The following MAP4K3 variants were observed in gnomAD, a reference collection of about 807,000 sequenced individuals.
The protein encoded by MAP4K3 is mitogen-activated protein kinase kinase kinase kinase 3.
MAP4K3 carries 94 observed loss-of-function variants against 143.5 expected under a neutral mutation model. The ratio of observed to expected loss-of-function variants is 0.65; its 90% CI spans 0.55 to 0.78. MAP4K3 has a LOEUF of 0.78. Among genes scored for constraint, MAP4K3 ranks in the 30% least tolerant of loss-of-function variants. MAP4K3 has a pLI of 0.00. For missense variants in MAP4K3, 1,077 were observed against 1,068.1 expected, an observed-to-expected ratio of 1.01 and a Z score of -0.12; for synonymous variants, 416 against 347.2, an observed-to-expected ratio of 1.20 and a Z score of -2.20.
intron 1 of MAP4K3, among the ~76,000 whole-genome samples, chr2:39,404,130 C>T (rs552311248): frequency 6.6e-6 from 1 of 152,148 alleles, no homozygotes; most frequent in East Asian, 1.9e-4. Flanking sequence ...GTGCTGGCTT[C>T]AAGTGAAAAC....
chr2:39,289,708 G>A (rs1359724315), intron 19 of MAP4K3, among the ~76,000 whole-genome samples: 1 of 152,202 alleles, frequency 6.6e-6, no homozygotes, highest in Non-Finnish European at 1.5e-5. Flanking sequence ...AGAAATGTGA[G>A]TTTTCTAACC....
intron 1 of MAP4K3, among the ~76,000 whole-genome samples, chr2:39,380,277 T>C (rs1257615681): frequency 6.6e-6 from 1 of 151,970 alleles, no homozygotes; most frequent in African/African-American, 2.4e-5. Context: ...TTCTAAGCCT[T>C]TCCTTAGTAA....
intron 1 of MAP4K3, among the ~76,000 whole-genome samples, chr2:39,436,316 T>C (rs1034736816): frequency 6.8e-6 from 1 of 147,516 alleles, no homozygotes; most frequent in African/African-American, 2.5e-5. Flanking sequence ...AGTTGCTCTT[T>C]CCAAAAAAAA....
chr2:39,250,126 AT>A lies in MAP4K3; in HGVS notation c.*491del, dbSNP rs1680092568. The A allele has an allele frequency of 6.5e-6, 1 of 152,694 alleles. No homozygotes were observed. The highest frequency in any genetic ancestry group is 1.5e-5 in the Non-Finnish European group (1 of 68,050). 9.5% of individuals were successfully genotyped at this position (152,694 alleles called of 1,614,324 possible). ...CAATTTTAAAAGTTACAAGATTTAT[AT>A]TCATATTACTAAATTACATATAATA... On this transcript the variant is annotated 3_prime_UTR_variant, in exon 34 of 34. Coordinates refer to ENST00000263881, the MANE Select transcript of MAP4K3 (RefSeq NM_003618.4).
intron 15 of MAP4K3, among the ~76,000 whole-genome samples, chr2:39,302,001 C>T (rs1041191352): frequency 1.3e-5 from 2 of 149,794 alleles, no homozygotes; most frequent in African/African-American, 2.5e-5. Flanking sequence ...TCCAGCTTGG[C>T]GACAGAGAGA....
chr2:39,280,996 A>C (rs1236755287), intron 22 of MAP4K3, among the ~76,000 whole-genome samples: 1 of 152,208 alleles, frequency 6.6e-6, no homozygotes, highest in Non-Finnish European at 1.5e-5. Flanking sequence ...TCATAATGAA[A>C]TATATCACCC....
chr2:39,307,348 T>C (rs1293474421), intron 15 of MAP4K3, among the ~76,000 whole-genome samples: 1 of 152,148 alleles, frequency 6.6e-6, no homozygotes, highest in Non-Finnish European at 1.5e-5. Flanking sequence ...TATTTATAAC[T>C]TCAGGAATGC....
intron 1 of MAP4K3, among the ~76,000 whole-genome samples, chr2:39,425,424 T>G (rs762352206): frequency 1.3e-5 from 2 of 152,170 alleles, no homozygotes; most frequent in African/African-American, 2.4e-5. Context: ...AAAATCCACA[T>G]GTTGAAGACC....
chr2:39,314,873 C>T (rs1683062651), intron 13 of MAP4K3, among the ~76,000 whole-genome samples: 2 of 152,162 alleles, frequency 1.3e-5, no homozygotes. Context: ...CCAGGTTACT[C>T]AGATGCTAGG....
chr2:39,385,607 C>G (rs1232476340), intron 1 of MAP4K3, among the ~76,000 whole-genome samples: 1 of 121,324 alleles, frequency 8.2e-6, no homozygotes, highest in African/African-American at 3.6e-5. Flanking sequence ...ATATATGAGT[C>G]CTTTGTCAGA....
intron 24 of MAP4K3, among the ~76,000 whole-genome samples, chr2:39,276,403 A>G (rs1331776077): frequency 6.6e-6 from 1 of 152,190 alleles, no homozygotes; most frequent in Non-Finnish European, 1.5e-5. Context: ...AATTCGGTCA[A>G]TTCTAGATCT....
chr2:39,270,894 G>T (rs1680991855), intron 26 of MAP4K3, among the ~76,000 whole-genome samples: 1 of 152,052 alleles, frequency 6.6e-6, no homozygotes, highest in South Asian at 2.1e-4. Context: ...AGAATTAAAA[G>T]ATTTTACAGT....
intron 8 of MAP4K3, among the ~76,000 whole-genome samples, chr2:39,327,885 T>C (rs1359226109): frequency 6.6e-6 from 1 of 152,224 alleles, no homozygotes. Flanking sequence ...CCTTCTTCTA[T>C]GTAAATACAA....
At chr2:39,320,477 T>C (rs1013251604) in intron 12 of MAP4K3, among the ~76,000 whole-genome samples, 1 of 152,108 alleles carries the variant, frequency 6.6e-6, no homozygotes, top group African/African-American at 2.4e-5. Context: ...GGGTTAATGA[T>C]TTATGGTACT....
At chr2:39,310,269 T>C (rs987553039) in intron 13 of MAP4K3, among the ~76,000 whole-genome samples, 2 of 152,206 alleles carry the variant, frequency 1.3e-5, no homozygotes, top group Non-Finnish European at 2.9e-5. Context: ...TACCCTTTCC[T>C]GCCTCTGGTA....
chr2:39,296,163 C>T (rs1012398967), intron 16 of MAP4K3, among the ~76,000 whole-genome samples: 8 of 152,046 alleles, frequency 5.3e-5, no homozygotes, highest in Non-Finnish European at 8.8e-5. Flanking sequence ...CCTATAAATC[C>T]CCATTGTGTG....
chr2:39,258,720 T>C lies in MAP4K3; in HGVS notation c.2309-133A>G, dbSNP rs1004225905. ...TCTTCTGTAATACACATGTAGTGAC[T>C]GAGCCAGGCTAGTGGGTTTAAATGC... On this transcript the variant is annotated intron_variant, in intron 29 of 33. Transcript: ENST00000263881. 1.6e-5 allele frequency: 11 copies of C among 700,030 alleles called. No homozygotes were observed. In the African/African-American group the frequency reaches 1.8e-4, roughly 11 times the overall value. 43.4% of individuals were successfully genotyped at this position (700,030 alleles called of 1,614,324 possible).
intron 15 of MAP4K3, among the ~76,000 whole-genome samples, chr2:39,307,390 A>G (rs1321920035): frequency 1.3e-5 from 2 of 152,120 alleles, no homozygotes; most frequent in Non-Finnish European, 2.9e-5. Flanking sequence ...TAAGGAAACC[A>G]GACATGATAG....
intron 24 of MAP4K3, among the ~76,000 whole-genome samples, chr2:39,276,959 G>C (rs565348909): frequency 1.1e-4 from 17 of 152,312 alleles, no homozygotes; most frequent in Non-Finnish European, 2.4e-4. Flanking sequence ...CGTACTAAAA[G>C]CCACTGAATT....
Sources: gnomAD v4.1 joint callset for allele counts (sites outside exome capture counted in the v4.1 genomes callset) on GRCh38, gnomAD v4.1.1 for gene constraint, MANE v1.5 for transcripts, NCBI Gene and HGNC (gene_info 2026-07-23, HGNC 2026-07-21) for gene names.